SLC28A1: variants seen among roughly 807,000 people sequenced by gnomAD.
SLC28A1 encodes solute carrier family 28 member 1.
Under a neutral mutation model 74.8 loss-of-function variants are expected in SLC28A1, and 64 were observed. The ratio of observed to expected loss-of-function variants is 0.86; its 90% confidence interval spans 0.70 to 1.05. SLC28A1 has a LOEUF of 1.05. Among genes scored for constraint, SLC28A1 ranks in the 50% least tolerant of loss-of-function variants. The pLI is 0.00. For missense variants in SLC28A1, 828 were observed against 822.8 expected (o/e 1.01, Z -0.08); for synonymous variants, 359 against 335.0 (o/e 1.07, Z -0.78).
At position 84,933,276 on chromosome 15, in the gene SLC28A1, G is replaced by T. The variant is rs1270939087; in HGVS notation, c.1214+1G>T. The T allele has an allele frequency of 6.2e-7, 1 of 1,612,706 alleles. No homozygotes were observed. Among genetic ancestry groups the T allele is most frequent in the Non-Finnish European group, 8.5e-7 (1 of 1,179,304 alleles). ...AGGAAGGAGTGAAACTGACCTATGGGTGAGCACAGCAGGAGGTCCTGCAGA... is the reference window on the plus strand; with the variant it reads ...AGGAAGGAGTGAAACTGACCTATGGTTGAGCACAGCAGGAGGTCCTGCAGA... On this transcript the variant is annotated splice_donor_variant, in intron 13 of 18. Coordinates refer to ENST00000394573, the MANE Select transcript of SLC28A1 (RefSeq NM_004213.5). LOFTEE classifies it high-confidence loss of function.
chr15:84,926,741 C>T (rs1323738730), intron 12 of SLC28A1, among the ~76,000 whole-genome samples: 1 of 141,884 alleles, frequency 7.0e-6, no homozygotes, highest in Admixed American at 7.6e-5. Context: ...TGACCCTGCC[C>T]TGCCTTCTGG....
chr15:84,954,284 T>C, the SLC28A1 span, among the ~76,000 whole-genome samples: 1 of 152,120 alleles, frequency 6.6e-6, no homozygotes, highest in African/African-American at 2.4e-5. Flanking sequence ...CAGCTCCTAT[T>C]TGAACAGAAA....
At chr15:84,928,715 C>T (rs1213838320) in intron 12 of SLC28A1, among the ~76,000 whole-genome samples, 1 of 150,850 alleles carries the variant, frequency 6.6e-6, no homozygotes, top group African/African-American at 2.4e-5. Flanking sequence ...CCTCCACCTC[C>T]CAGGTTCAAG....
chr15:84,969,534 C>CT, the SLC28A1 span, among the ~76,000 whole-genome samples: 3 of 152,010 alleles, frequency 2.0e-5, no homozygotes, highest in South Asian at 6.3e-4. Context: ...ACCCTGCCCC[C>CT]CGACTCGGAC....
the SLC28A1 span, among the ~76,000 whole-genome samples, chr15:84,952,409 C>T: frequency 6.6e-6 from 1 of 152,174 alleles, no homozygotes; most frequent in African/African-American, 2.4e-5. Flanking sequence ...AATGCTGCTA[C>T]ACACTCTCCT....
At chr15:84,925,074 T>TTG (rs1208210802) in intron 12 of SLC28A1, among the ~76,000 whole-genome samples, 1 of 129,588 alleles carries the variant, frequency 7.7e-6, no homozygotes, top group Non-Finnish European at 1.7e-5. Context: ...CTAGTTTTTT[T>TTG]TTTTTTTTTT....
intron 1 of SLC28A1, chr15:84,886,359 G>A: frequency 1.0e-6 from 1 of 985,392 alleles, no homozygotes; most frequent in Non-Finnish European, 1.2e-6. Context: ...GCCTGGCTGG[G>A]GAAAGGAGGC....
chr15:84,893,467 A>G (rs1365676533), intron 5 of SLC28A1, among the ~76,000 whole-genome samples: 2 of 152,214 alleles, frequency 1.3e-5, no homozygotes, highest in Non-Finnish European at 2.9e-5. Context: ...TATTTTTTAT[A>G]ACTCAACTTA....
At chr15:84,906,109 TC>T (rs1249025452) in intron 8 of SLC28A1, among the ~76,000 whole-genome samples, 1 of 149,996 alleles carries the variant, frequency 6.7e-6, no homozygotes, top group Non-Finnish European at 1.5e-5. Flanking sequence ...AACCTCCACC[TC>T]CCTGGTTCAA....
the SLC28A1 span, chr15:84,961,409 G>A: frequency 2.4e-6 from 1 of 418,952 alleles, no homozygotes; most frequent in South Asian, 1.8e-5. Context: ...ATGGCTCACT[G>A]TAGCCTCAAC....
intron 1 of SLC28A1, among the ~76,000 whole-genome samples, chr15:84,885,374 TG>T (rs1403201339): frequency 6.6e-6 from 1 of 151,476 alleles, no homozygotes; most frequent in Middle Eastern, 3.2e-3. Flanking sequence ...ATGAGAACAC[TG>T]TTACTGTGTG....
intron 6 of SLC28A1, among the ~76,000 whole-genome samples, chr15:84,896,638 C>T (rs949288987): frequency 6.6e-6 from 1 of 152,076 alleles, no homozygotes; most frequent in Non-Finnish European, 1.5e-5. Context: ...ATGGCGAAAC[C>T]CTGTCTCTAC....
rs1323498907 is a variant in SLC28A1, at chr15:84,943,527, G to T, written c.1663+1G>T. On this transcript the variant is annotated splice_donor_variant, in intron 16 of 18. Transcript: ENST00000394573. LOFTEE classifies it high-confidence loss of function. ...ATTGGGATCATGCTGGGAGGCTTGA[G>T]TGAGTCTAATCAGGGCCTCACCAGT... 2 of 1,612,382 alleles carry T rather than the reference G, an allele frequency of 1.2e-6. No homozygotes were observed. The highest frequency in any genetic ancestry group is 2.2e-5 in the South Asian group (2 of 91,058).
the SLC28A1 span, among the ~76,000 whole-genome samples, chr15:84,964,899 A>C: frequency 6.6e-6 from 1 of 152,250 alleles, no homozygotes; most frequent in African/African-American, 2.4e-5. Flanking sequence ...AGCTGGAAGC[A>C]GACTGCCAAC....
At chr15:84,890,649 A>G in intron 5 of SLC28A1, 115 bp downstream of exon 5, 1 of 874,032 alleles carries the variant, frequency 1.1e-6, no homozygotes, top group Non-Finnish European at 1.8e-6. Flanking sequence ...GTTGAGCACC[A>G]ACTCAGGTCC....
chr15:84,929,103 A>G (rs955716359), intron 12 of SLC28A1, among the ~76,000 whole-genome samples: 1 of 152,204 alleles, frequency 6.6e-6, no homozygotes, highest in African/African-American at 2.4e-5. Flanking sequence ...AAAACTTTTA[A>G]GATGTTTTAT....
chr15:84,922,111 A>T (rs1567163146), intron 11 of SLC28A1, among the ~76,000 whole-genome samples: 1 of 152,034 alleles, frequency 6.6e-6, no homozygotes, highest in East Asian at 1.9e-4. Flanking sequence ...GAACCTCTCT[A>T]CTTGTGGCAG....
intron 12 of SLC28A1, among the ~76,000 whole-genome samples, chr15:84,930,504 A>G (rs1022847701): frequency 2.0e-4 from 31 of 152,052 alleles, no homozygotes; most frequent in African/African-American, 6.5e-4. Context: ...AAGAAGAAGG[A>G]CACAATACCT....
At chr15:84,961,647 T>G in the SLC28A1 span, 1 of 369,362 alleles carries the variant, frequency 2.7e-6, no homozygotes, top group Non-Finnish European at 5.3e-6. Flanking sequence ...GGCTGAGAGA[T>G]AAATCTTGAT....
Sources: allele counts gnomAD v4.1 joint callset (sites outside exome capture counted in the v4.1 genomes callset), GRCh38; gene constraint gnomAD v4.1.1; transcripts MANE v1.5; gene names NCBI Gene and HGNC (gene_info 2026-07-23, HGNC 2026-07-21).